Variants in BMPR1B observed in about 807,000 individuals in gnomAD.
BMPR1B encodes bone morphogenetic protein receptor type-1B.
Under a neutral mutation model 59.1 loss-of-function variants are expected in BMPR1B, and 12 were observed. That is an observed-to-expected ratio of 0.20 (90% CI 0.13 to 0.33). The LOEUF is 0.33. Among genes scored for constraint, BMPR1B ranks in the 10% least tolerant of loss-of-function variants. BMPR1B has a pLI of 1.00. For missense variants in BMPR1B, 550 were observed against 610.9 expected, an observed-to-expected ratio of 0.90 and a Z score of 1.05; for synonymous variants, 237 against 207.3, an observed-to-expected ratio of 1.14 and a Z score of -1.23.
intron 1 of BMPR1B, among the ~76,000 whole-genome samples, chr4:94,810,255 A>G (rs1723763237): frequency 6.6e-6 from 1 of 152,340 alleles, no homozygotes; most frequent in African/African-American, 2.4e-5. Flanking sequence ...AATTGGTTTA[A>G]CATTTATTGG....
At chr4:94,789,075 A>G (rs1722864914) in intron 1 of BMPR1B, among the ~76,000 whole-genome samples, 1 of 152,208 alleles carries the variant, frequency 6.6e-6, no homozygotes, top group Admixed American at 6.5e-5. Context: ...TGTGTCTTAG[A>G]AGCTTTGCAG....
rs1294880667 is a variant in BMPR1B, at chr4:94,842,113, A to G, written c.-182-33718A>G. Among the ~76,000 whole-genome samples the G allele has an allele frequency of 2.0e-5, 3 of 152,316 alleles. No individual in the cohort carries two copies. The East Asian group carries it at 5.8e-4, about 29-fold the overall frequency. On this transcript the variant is annotated intron_variant, in intron 1 of 12. Coordinates refer to ENST00000515059, the MANE Select transcript of BMPR1B (RefSeq NM_001203.3). ...CAGGGTGCTTGGACAAGTAGCCTGA[A>G]GCACAAATTATTTTTTACATGTTTT... is the stretch of plus-strand genomic sequence containing the variant.
intron 1 of BMPR1B, among the ~76,000 whole-genome samples, chr4:94,810,275 G>C (rs1170895863): frequency 6.6e-6 from 1 of 152,148 alleles, no homozygotes; most frequent in East Asian, 1.9e-4. Flanking sequence ...GCTATATCCT[G>C]TCTTTGGTGA....
At chr4:94,857,447 A>G in intron 1 of BMPR1B, among the ~76,000 whole-genome samples, 1 of 152,240 alleles carries the variant, frequency 6.6e-6, no homozygotes, top group East Asian at 1.9e-4. Flanking sequence ...CAGAATTTGG[A>G]AAAAATCTAG....
intron 2 of BMPR1B, among the ~76,000 whole-genome samples, chr4:94,937,955 G>C (rs997906710): frequency 5.3e-5 from 8 of 152,104 alleles, no homozygotes; most frequent in Non-Finnish European, 1.2e-4. Context: ...GTAAATCCTA[G>C]ATATTTCATA....
At chr4:94,799,844 TCA>T (rs1396239581) in intron 1 of BMPR1B, among the ~76,000 whole-genome samples, 1 of 151,434 alleles carries the variant, frequency 6.6e-6, no homozygotes, top group African/African-American at 2.4e-5. Flanking sequence ...GTGTGTACCA[TCA>T]CACTCGGCTA....
At chr4:95,012,146 G>T (rs906686555) in intron 3 of BMPR1B, among the ~76,000 whole-genome samples, 1 of 152,084 alleles carries the variant, frequency 6.6e-6, no homozygotes, top group Non-Finnish European at 1.5e-5. Context: ...TTATAGATAA[G>T]TAGGAAAAAT....
chr4:94,980,789 A>G (rs1174082420), intron 2 of BMPR1B, among the ~76,000 whole-genome samples: 1 of 152,192 alleles, frequency 6.6e-6, no homozygotes, highest in Admixed American at 6.5e-5. Flanking sequence ...TTGTAACAAT[A>G]TAGTCTACTA....
At position 95,063,849 on chromosome 4, in the gene BMPR1B, C is replaced by T. The variant is rs570530910; in HGVS notation, c.-17-40559C>T. Among the ~76,000 whole-genome samples the T allele has an allele frequency of 3.3e-5, 5 of 151,854 alleles. No individual in the cohort carries two copies. In the East Asian group the frequency reaches 7.7e-4, roughly 24 times the overall value. The stretch of plus-strand genomic sequence containing the variant: ...TAAACAATAAAAGTAGCAGAAGACA[C>T]GAACAGGGCATTCATAGAGGAGTAA... On this transcript the variant is annotated intron_variant, in intron 3 of 12. Transcript: ENST00000515059.
intron 2 of BMPR1B, among the ~76,000 whole-genome samples, chr4:94,927,368 T>G (rs17022642): frequency 0.024 from 3,583 of 152,118 alleles, 139 homozygotes; most frequent in African/African-American, 0.082. Context: ...TAAACAATAT[T>G]CAAAATGAAA....
chr4:95,036,909 T>C (rs1213242596), intron 3 of BMPR1B, among the ~76,000 whole-genome samples: 1 of 152,122 alleles, frequency 6.6e-6, no homozygotes, highest in Non-Finnish European at 1.5e-5. Context: ...CCAGTTTTGC[T>C]GCCCACGTTG....
chr4:95,125,197 A>G lies in BMPR1B; in HGVS notation c.585+76A>G. The stretch of plus-strand genomic sequence containing the variant: ...TGTCAATGAATATGGGGTTTCACTT[A>G]CTGAAATAGGGCACTGGACAAGGAG... On this transcript the variant is annotated intron_variant, in intron 8 of 12. Transcript: ENST00000515059. 2 of 1,571,608 alleles carry G rather than the reference A, an allele frequency of 1.3e-6. 1 individual carries two copies. The highest frequency in any genetic ancestry group is 2.3e-5 in the South Asian group (2 of 88,440).
At chr4:95,022,072 T>C (rs2149138291) in intron 3 of BMPR1B, among the ~76,000 whole-genome samples, 1 of 152,348 alleles carries the variant, frequency 6.6e-6, no homozygotes, top group East Asian at 1.9e-4. Context: ...CTAGCAGAGC[T>C]GCAGAAGACT....
intron 2 of BMPR1B, among the ~76,000 whole-genome samples, chr4:94,975,363 G>GTTTTTTTTTTTTTT (rs763655134): frequency 9.0e-6 from 1 of 111,638 alleles, no homozygotes; most frequent in Non-Finnish European, 1.7e-5. Context: ...TTTTGTTTTT[G>GTTTTTTTTTTTTTT]TTTTTTTTTT....
chr4:94,866,111 G>T (rs1726228877), intron 1 of BMPR1B, among the ~76,000 whole-genome samples: 1 of 152,172 alleles, frequency 6.6e-6, no homozygotes, highest in African/African-American at 2.4e-5. Flanking sequence ...TCTAGGTGCT[G>T]ATTGTTGCTG....
At chr4:95,108,438 C>G (rs553072684) in intron 4 of BMPR1B, among the ~76,000 whole-genome samples, 71 of 152,216 alleles carry the variant, frequency 4.7e-4, no homozygotes, top group African/African-American at 1.4e-3. Flanking sequence ...TTCATTATCA[C>G]TTCCACCTCC....
chr4:94,830,631 A>G (rs914610140), intron 1 of BMPR1B, among the ~76,000 whole-genome samples: 3 of 152,202 alleles, frequency 2.0e-5, no homozygotes, highest in African/African-American at 7.2e-5. Context: ...TGTTAATAAA[A>G]TTCATAAAAT....
At chr4:95,151,016 A>T (rs1353987179) in intron 11 of BMPR1B, among the ~76,000 whole-genome samples, 2 of 152,128 alleles carry the variant, frequency 1.3e-5, no homozygotes, top group Non-Finnish European at 2.9e-5. Flanking sequence ...ACAAAATTCT[A>T]TTTTCTAACA....
intron 2 of BMPR1B, among the ~76,000 whole-genome samples, chr4:94,945,311 G>A (rs1729666768): frequency 6.6e-6 from 1 of 152,170 alleles, no homozygotes; most frequent in Admixed American, 6.5e-5. Flanking sequence ...ATTGGTCCTT[G>A]AAGGTAAAAA....
Sources: allele counts gnomAD v4.1 joint callset (sites outside exome capture counted in the v4.1 genomes callset), GRCh38; gene constraint gnomAD v4.1.1; transcripts MANE v1.5; gene names NCBI Gene and HGNC (gene_info 2026-07-23, HGNC 2026-07-21).